The following MTTP variants were observed in gnomAD, a reference collection of about 807,000 sequenced individuals.
MTTP encodes microsomal triglyceride transfer protein large subunit.
MTTP carries 49 observed loss-of-function variants against 90.6 expected under a neutral mutation model. That is an observed-to-expected ratio of 0.54 (90% CI 0.43 to 0.69). MTTP has a LOEUF of 0.69. MTTP is among the 30% of genes least tolerant of loss of function. The pLI is 0.00. For missense variants in MTTP, 945 were observed against 1,067.5 expected, an observed-to-expected ratio of 0.89 and a Z score of 1.60; for synonymous variants, 347 against 384.2, an observed-to-expected ratio of 0.90 and a Z score of 1.13.
At chr4:99,570,635 G>A (rs1334015536), upstream of MTTP, 1 of 454,026 alleles carries the variant, frequency 2.2e-6, no homozygotes, top group African/African-American at 2.0e-5. Context: ...AGTTAAGGTT[G>A]TAGATGAAAT....
At chr4:99,618,464 C>G (rs1165400611) in intron 15 of MTTP, among the ~76,000 whole-genome samples, 1 of 152,194 alleles carries the variant, frequency 6.6e-6, no homozygotes, top group African/African-American at 2.4e-5. Context: ...GGACAAAAAG[C>G]CACAGCTAGA....
At chr4:99,594,400 T>C (rs1032430000) in intron 6 of MTTP, among the ~76,000 whole-genome samples, 4 of 152,200 alleles carry the variant, frequency 2.6e-5, no homozygotes, top group Non-Finnish European at 4.4e-5. Flanking sequence ...CGTGGTTGTA[T>C]TGACGATATC....
intron 13 of MTTP, 41 bp downstream of exon 13, chr4:99,611,281 ACT>A: frequency 6.2e-7 from 1 of 1,613,766 alleles, no homozygotes; most frequent in Non-Finnish European, 8.5e-7. Flanking sequence ...ATACCCCACA[ACT>A]TAGCATTGCT....
chr4:99,595,012 G>A, intron 7 of MTTP, 129 bp downstream of exon 7: 1 of 1,075,542 alleles, frequency 9.3e-7, no homozygotes, highest in South Asian at 1.3e-5. Flanking sequence ...GAGTTGTGAT[G>A]ACAGCAGTCT....
chr4:99,590,177 C>T (rs1725380551), intron 4 of MTTP, among the ~76,000 whole-genome samples: 1 of 152,054 alleles, frequency 6.6e-6, no homozygotes, highest in Admixed American at 6.6e-5. Flanking sequence ...CTCACTGCAA[C>T]CTCTGCCTCC....
intron 1 of MTTP, among the ~76,000 whole-genome samples, chr4:99,575,956 C>T (rs893640094): frequency 2.0e-5 from 3 of 152,086 alleles, no homozygotes; most frequent in African/African-American, 4.8e-5. Flanking sequence ...GTAAAGTTTG[C>T]CTCAGGATTT....
At chr4:99,564,179 T>G in exon 1 of MTTP, 1 of 1,535,566 alleles carries the variant, frequency 6.5e-7, no homozygotes, top group Non-Finnish European at 8.7e-7. Flanking sequence ...TGATGTCTGT[T>G]TTTTCCCGTT....
At chr4:99,621,400 C>G (rs1305208442) in intron 17 of MTTP, among the ~76,000 whole-genome samples, 169 bp downstream of exon 17, 2 of 150,764 alleles carry the variant, frequency 1.3e-5, no homozygotes, top group Admixed American at 1.3e-4. Context: ...CAAAAAAAGT[C>G]AGTTTCTGGG....
intron 11 of MTTP, among the ~76,000 whole-genome samples, chr4:99,608,438 C>T (rs1485069744): frequency 6.6e-6 from 1 of 151,988 alleles, no homozygotes; most frequent in Non-Finnish European, 1.5e-5. Context: ...AAGCGAGACT[C>T]TGCCTCAAAA....
intron 1 of MTTP, among the ~76,000 whole-genome samples, chr4:99,566,671 C>G (rs1724710070): frequency 6.6e-6 from 1 of 152,114 alleles, no homozygotes; most frequent in Admixed American, 6.5e-5. Context: ...AAAGTGTTGG[C>G]AGCTATTTTG....
intron 17 of MTTP, among the ~76,000 whole-genome samples, chr4:99,621,514 C>T (rs1353686644): frequency 6.6e-6 from 1 of 152,074 alleles, no homozygotes. Context: ...TATGATTTAC[C>T]ATAGGAGTTG....
intron 10 of MTTP, among the ~76,000 whole-genome samples, chr4:99,606,059 G>A (rs898894855): frequency 2.6e-5 from 4 of 152,100 alleles, no homozygotes; most frequent in Non-Finnish European, 5.9e-5. Flanking sequence ...TAAAACATAT[G>A]TAGTGGCAAA....
At chr4:99,567,253 T>C (rs1724724704) in intron 1 of MTTP, among the ~76,000 whole-genome samples, 1 of 152,204 alleles carries the variant, frequency 6.6e-6, no homozygotes, top group African/African-American at 2.4e-5. Context: ...GTGAACTTCC[T>C]GAATCTCCTG....
chr4:99,565,091 A>G (rs778447189), intron 1 of MTTP, among the ~76,000 whole-genome samples: 1 of 152,228 alleles, frequency 6.6e-6, no homozygotes, highest in Non-Finnish European at 1.5e-5. Flanking sequence ...AGCTGCCTCC[A>G]TATGAGGGCA....
upstream of MTTP, among the ~76,000 whole-genome samples, chr4:99,571,539 G>A (rs957984978): frequency 3.9e-5 from 6 of 151,902 alleles, no homozygotes; most frequent in East Asian, 1.9e-4. Flanking sequence ...TTGTATGTGC[G>A]TATATATGTA....
chr4:99,611,866 A>G (rs1725964826), intron 14 of MTTP, among the ~76,000 whole-genome samples: 1 of 152,122 alleles, frequency 6.6e-6, no homozygotes, highest in Non-Finnish European at 1.5e-5. Flanking sequence ...TGTTTCTATG[A>G]AGAGATTGAT....
chr4:99,620,723 G>C (rs778746957), intron 16 of MTTP, among the ~76,000 whole-genome samples: 1 of 152,148 alleles, frequency 6.6e-6, no homozygotes, highest in Non-Finnish European at 1.5e-5. Flanking sequence ...GGGTATTTCT[G>C]ACCTGCTGAG....
chr4:99,607,454 A>G (rs536977081), intron 11 of MTTP, among the ~76,000 whole-genome samples: 10 of 152,040 alleles, frequency 6.6e-5, no homozygotes, highest in Non-Finnish European at 1.3e-4. Flanking sequence ...GGTGGCTGCA[A>G]ATCATGATGG....
chr4:99,585,342 C>G (rs1725233762), intron 3 of MTTP, among the ~76,000 whole-genome samples: 1 of 152,068 alleles, frequency 6.6e-6, no homozygotes, highest in South Asian at 2.1e-4. Flanking sequence ...GGAAATTTGC[C>G]TATGGTCATA....
Sources: gnomAD v4.1 joint callset for allele counts (sites outside exome capture counted in the v4.1 genomes callset) on GRCh38, gnomAD v4.1.1 for gene constraint, MANE v1.5 for transcripts, NCBI Gene and HGNC (gene_info 2026-07-23, HGNC 2026-07-21) for gene names.